TRRAP: variants seen among roughly 807,000 people sequenced by gnomAD.
TRRAP encodes transformation/transcription domain associated protein, also known as transformation/transcription domain-associated protein.
Under a neutral mutation model 438.8 loss-of-function variants are expected in TRRAP, and 41 were observed. That is an observed-to-expected ratio of 0.09 (90% CI 0.07 to 0.12). The LOEUF is 0.12. Among genes scored for constraint, TRRAP ranks in the 10% least tolerant of loss-of-function variants. The pLI is 1.00. For missense variants in TRRAP, 3,122 were observed against 5,055.1 expected (o/e 0.62, Z 11.60); for synonymous variants, 1,994 against 1,962.9 (o/e 1.02, Z -0.42).
chr7:98,992,314 C>T (rs893824826), intron 65 of TRRAP, 87 bp downstream of exon 65: 44 of 1,387,000 alleles, frequency 3.2e-5, no homozygotes, highest in Non-Finnish European at 4.3e-5. Flanking sequence ...CCGCAGCCAC[C>T]CCTGCCCTGC....
In TRRAP at chr7:98,933,348, C is replaced by G. The variant is rs1554413413; in HGVS notation, c.3960C>G (p.Pro1320=). The part of the protein sequence containing the change: ...EGNTFCTTLQ[P]RLFTMDLNVV... The stretch of plus-strand genomic sequence containing the variant: ...ACACGTTCTGTACCACGTTGCAGCC[C>G]AGGCTCTTCACAATGGACCTTAACG... The change falls in exon 27 of 73, where the codon CCC becomes CCG. Residue 1320 remains proline (P), a synonymous_variant. Coordinates refer to ENST00000456197, the MANE Select transcript of TRRAP (RefSeq NM_001375524.1). The G allele has an allele frequency of 1.2e-6, 2 of 1,614,008 alleles. No individual in the cohort carries two copies. Among genetic ancestry groups the G allele is most frequent in the Admixed American group, 1.7e-5 (1 of 60,002 alleles).
intron 3 of TRRAP, among the ~76,000 whole-genome samples, chr7:98,884,000 G>T (rs1795581314): frequency 6.6e-6 from 1 of 152,120 alleles, no homozygotes; most frequent in Non-Finnish European, 1.5e-5. Context: ...GATAGCCCAG[G>T]GTCTTTCCTT....
intron 62 of TRRAP, 96 bp from the exon 63 acceptor site, chr7:98,988,669 C>A: frequency 7.2e-7 from 1 of 1,390,818 alleles, no homozygotes; most frequent in Non-Finnish European, 9.8e-7. Context: ...GGACCAAATG[C>A]CCCGCAGTGT....
chr7:99,011,266 T>G lies in TRRAP; in HGVS notation c.11142+11T>G. On this transcript the variant is annotated intron_variant, in intron 71 of 72. Coordinates refer to ENST00000456197, the MANE Select transcript of TRRAP (RefSeq NM_001375524.1). This position sits in a 1 kb window ranked among gnomAD's most constrained non-coding sequence, Gnocchi z 7.1. Reference sequence around the variant, plus strand: ...TTACAGATCGCTCAGGTAACCTGCTTTGAACAGCCAGATCCTCTCCTCGTG... The same window carrying G: ...TTACAGATCGCTCAGGTAACCTGCTGTGAACAGCCAGATCCTCTCCTCGTG... The G allele has an allele frequency of 6.2e-7, 1 of 1,614,032 alleles. No homozygotes were observed. Among genetic ancestry groups the G allele is most frequent in the Non-Finnish European group, 8.5e-7 (1 of 1,179,848 alleles).
Position 99,012,041 on chromosome 7 carries a change from A to G in TRRAP, c.11338-30A>G. 2 of 1,604,874 alleles carry G rather than the reference A, an allele frequency of 1.2e-6. No homozygotes were observed. Among genetic ancestry groups the G allele is most frequent in the East Asian group, 2.2e-5 (1 of 44,690 alleles). On this transcript the variant is annotated intron_variant, in intron 72 of 72. Coordinates refer to ENST00000456197, the MANE Select transcript of TRRAP (RefSeq NM_001375524.1). This position sits in a 1 kb window ranked among gnomAD's most constrained non-coding sequence, Gnocchi z 5.9. The stretch of plus-strand genomic sequence containing the variant: ...CCCTGTGGGCTGTTCTTGGTTAAAC[A>G]CAAGTCGTCTCGTTCTCTCCCTCAC...
chr7:98,907,803 A>G (rs997076834), intron 13 of TRRAP, among the ~76,000 whole-genome samples: 7 of 147,408 alleles, frequency 4.7e-5, no homozygotes, highest in African/African-American at 1.6e-4. Flanking sequence ...CCCATCCCTG[A>G]CCTGCTTCAG....
intron 1 of TRRAP, among the ~76,000 whole-genome samples, chr7:98,880,791 A>G (rs1239785994): frequency 1.3e-5 from 2 of 152,198 alleles, no homozygotes; most frequent in African/African-American, 4.8e-5. Flanking sequence ...CTGCGTGGCC[A>G]CAAAGATTAA....
intron 62 of TRRAP, among the ~76,000 whole-genome samples, chr7:98,986,452 C>T (rs1002877061): frequency 6.6e-6 from 1 of 152,132 alleles, no homozygotes; most frequent in Admixed American, 6.6e-5. Context: ...TTGTTATTTT[C>T]TTATTATTTA....
In TRRAP at chr7:98,997,483, CAAAAAAAAAAAA is replaced by C. The variant is rs61132070; in HGVS notation, c.10309+2653_10309+2664del. Among the ~76,000 whole-genome samples the C allele has an allele frequency of 1.3e-3, 57 of 42,634 alleles. 1 individual carries two copies. Among genetic ancestry groups the C allele is most frequent in the South Asian group, 5.6e-3 (5 of 888 alleles). 28.0% of individuals were successfully genotyped at this position (42,634 alleles called of 152,430 possible). On this transcript the variant is annotated intron_variant, in intron 67 of 72. Transcript: ENST00000456197. ...ATTATCACCCAAAACACTGCTGTTG[CAAAAAAAAAAAA>C]AAAAAAAAAAAAAAAAATTAGAGTA...
intron 27 of TRRAP, 51 bp downstream of exon 27, chr7:98,933,453 C>A: frequency 6.4e-7 from 1 of 1,565,868 alleles, no homozygotes; most frequent in South Asian, 1.2e-5. Flanking sequence ...CGTGTGTCTG[C>A]TAGCCTGTCT....
chr7:98,889,538 C>CTT (rs72212667), intron 3 of TRRAP, among the ~76,000 whole-genome samples: 1 of 77,868 alleles, frequency 1.3e-5, no homozygotes, highest in South Asian at 7.4e-4. Flanking sequence ...TCCTATTCTC[C>CTT]TTTTTTTTTT....
In TRRAP at chr7:98,971,817, G is replaced by C; in HGVS notation, c.7711G>C (p.Glu2571Gln). 6.2e-7 allele frequency: 1 copy of C among 1,613,966 alleles called. No homozygotes were observed. The highest frequency in any genetic ancestry group is 8.5e-7 in the Non-Finnish European group (1 of 1,179,992). The part of the protein sequence containing the change: ...SKEEDVEIDI[E>Q]LAPGDQTSTP... ...TTCTTAGGATGTAGAGATAGACATC[G>C]AACTAGCTCCTGGGGATCAGACCAG... Residue 2571 changes from glutamate (E) to glutamine (Q), a missense_variant, in exon 53 of 73, where the codon GAA becomes CAA. Around this residue, in one of 24 missense-constraint regions of TRRAP, gnomAD observed 992 missense variants for 1,281.2 expected, o/e 0.77. Transcript: ENST00000456197.
chr7:98,915,999 GTGGGA>G, intron 19 of TRRAP, 111 bp downstream of exon 19: 1 of 1,439,860 alleles, frequency 6.9e-7, no homozygotes, highest in Non-Finnish European at 9.4e-7. Flanking sequence ...GTCATGGTTG[GTGGGA>G]TGGGATGTGG....
chr7:98,928,339 A>G (rs782437563), intron 23 of TRRAP, among the ~76,000 whole-genome samples: 5 of 152,176 alleles, frequency 3.3e-5, no homozygotes, highest in Non-Finnish European at 7.3e-5. Flanking sequence ...CAGACCAGTC[A>G]CAGTTCGTCT....
At chr7:98,983,040 C>T (rs1033202963) in intron 59 of TRRAP, among the ~76,000 whole-genome samples, 1 of 152,094 alleles carries the variant, frequency 6.6e-6, no homozygotes, top group African/African-American at 2.4e-5. Context: ...GAGCCACAAG[C>T]TGAGGTTTTA....
intron 62 of TRRAP, among the ~76,000 whole-genome samples, chr7:98,987,515 A>C (rs1793204256): frequency 6.6e-6 from 1 of 152,214 alleles, no homozygotes; most frequent in South Asian, 2.1e-4. Flanking sequence ...AACATTTGGA[A>C]ATACCAGGGT....
rs139741801 is a variant in TRRAP at position 98,915,770 on chromosome 7, T to C, written c.2247T>C (p.Thr749=). Residue 749 remains threonine, a synonymous_variant, in exon 19 of 73, where the codon ACT becomes ACC. Transcript: ENST00000456197. ...IVNSSMELAQ[T]AKEPYNYFLL... is the part of the protein sequence containing the mutation. Reference sequence around the variant, plus strand: ...ACAGCTCTATGGAGCTCGCGCAGACTGCCAAGGAACCCTACAACTACTTCT... The same window carrying C: ...ACAGCTCTATGGAGCTCGCGCAGACCGCCAAGGAACCCTACAACTACTTCT... The C allele has an allele frequency of 3.3e-5, 54 of 1,614,064 alleles. No individual in the cohort carries two copies. The African/African-American group carries it at 6.4e-4, about 19-fold the overall frequency.
In TRRAP at chr7:98,958,016, C is replaced by A; in HGVS notation, c.6267C>A (p.Asp2089Glu). ...FGRSQSLPGADSLLAKPIDKQ... is the reference protein window; with the variant it reads ...FGRSQSLPGAESLLAKPIDKQ... ...GGAGCCAGTCGCTACCTGGAGCAGA[C>A]TCTCTCCTCGCCAAGCCCATTGACA... The change falls in exon 44 of 73, where the codon GAC becomes GAA. Residue 2089 changes from aspartate to glutamate, a missense_variant. This residue lies in a region of TRRAP where 992 missense variants were observed against 1,281.2 expected (regional missense o/e 0.77). Transcript: ENST00000456197. 1 of 1,614,204 alleles carries A rather than the reference C, an allele frequency of 6.2e-7. No homozygotes were observed. Among genetic ancestry groups the A allele is most frequent in the Non-Finnish European group, 8.5e-7 (1 of 1,180,042 alleles).
chr7:99,009,007 T>C (rs1794316745), intron 70 of TRRAP, among the ~76,000 whole-genome samples: 1 of 152,152 alleles, frequency 6.6e-6, no homozygotes, highest in South Asian at 2.1e-4. Flanking sequence ...TGTGCTGTTT[T>C]CTAAAATACA....
Sources: allele counts gnomAD v4.1 joint callset (sites outside exome capture counted in the v4.1 genomes callset), GRCh38; gene constraint gnomAD v4.1.1; regional missense constraint gnomAD v4.1.1; non-coding constraint Gnocchi (gnomAD v3.1); transcripts MANE v1.5; gene names NCBI Gene and HGNC (gene_info 2026-07-23, HGNC 2026-07-21).